The following ARHGAP33 variants were observed in gnomAD, a reference collection of about 807,000 sequenced individuals.
The protein encoded by ARHGAP33 is rho GTPase-activating protein 33.
In ARHGAP33, 57 loss-of-function variants were observed where a neutral mutation model predicts 126.2. The observed-to-expected ratio is 0.45, with a 90% CI of 0.36 to 0.56. The LOEUF (loss-of-function observed/expected upper bound fraction) is 0.56, where lower values mean the gene tolerates loss of function less well. Among genes scored for constraint, ARHGAP33 ranks in the 20% least tolerant of loss-of-function variants. The probability of loss-of-function intolerance (pLI) is 0.00; values close to 1 mark genes in which losing one functional copy is unlikely to be tolerated. For missense variants in ARHGAP33, 1,500 were observed against 1,748.3 expected, an observed-to-expected ratio of 0.86 and a Z score of 2.53; for synonymous variants, 711 against 755.0, an observed-to-expected ratio of 0.94 and a Z score of 0.95.
Position 35,788,702 on chromosome 19 carries a change from C to A in ARHGAP33, c.*273C>A. 2.4e-6 allele frequency: 1 copy of A among 421,194 alleles called. No homozygotes were observed. The highest frequency in any genetic ancestry group is 4.2e-6 in the Non-Finnish European group (1 of 237,478). 26.1% of individuals were successfully genotyped at this position (421,194 alleles called of 1,614,324 possible). A position where few individuals can be genotyped will look rare whatever the true frequency, so the allele number is the denominator to read the frequency against. ...GGCTGACCCCATCCTCCTCTCCCTC[C>A]AGGAGCCCCCAGCATGTCCTGACCT... On this transcript the variant is annotated 3_prime_UTR_variant, in exon 21 of 21. Coordinates refer to ENST00000007510, the MANE Select transcript of ARHGAP33 (RefSeq NM_001366178.1).
rs1972037265 is a variant in ARHGAP33 at position 35,785,114 on chromosome 19, G to A, written c.1721+8G>A. The A allele has an allele frequency of 1.3e-6, 2 of 1,590,930 alleles. No individual in the cohort carries two copies. Among genetic ancestry groups the A allele is most frequent in the Non-Finnish European group, 1.7e-6 (2 of 1,165,798 alleles). ...GGCCTCACCTGCGGAAAGGTGAGTG[G>A]GATGCTGGGGGTGGCGAGGGGCAGG... On this transcript the variant is annotated splice_region_variant and intron_variant, in intron 17 of 20. Coordinates refer to ENST00000007510, the MANE Select transcript of ARHGAP33 (RefSeq NM_001366178.1).
rs1286332679 is a variant in ARHGAP33, at chr19:35,781,271, C to A, written c.1085+19C>A. 15 of 1,612,192 alleles carry A rather than the reference C, an allele frequency of 9.3e-6. No individual in the cohort carries two copies. Among genetic ancestry groups the A allele is most frequent in the Non-Finnish European group, 1.3e-5 (15 of 1,178,442 alleles). ...GGCTTCGGTGAGGGCCCTTAGCCAA[C>A]CCTGTCCTTCCACAGGCACTCACCC... On this transcript the variant is annotated intron_variant, in intron 12 of 20. Coordinates refer to ENST00000007510, the MANE Select transcript of ARHGAP33 (RefSeq NM_001366178.1).
At position 35,787,439 on chromosome 19, in the gene ARHGAP33, C is replaced by G; in HGVS notation, c.2874C>G (p.His958Gln). The G allele has an allele frequency of 1.2e-6, 2 of 1,612,150 alleles. No individual in the cohort carries two copies. The highest frequency in any genetic ancestry group is 1.7e-6 in the Non-Finnish European group (2 of 1,179,278). The change falls in exon 21 of 21, where the codon CAC becomes CAG. Residue 958 changes from histidine (H) to glutamine (Q), a missense_variant. Around this residue, in one of 6 missense-constraint regions of ARHGAP33, gnomAD observed 642 missense variants for 634.0 expected, o/e 1.01. Transcript: ENST00000007510. Reference sequence around the variant, plus strand: ...GGCCACCTCCCAACTCCCTAGCACACCCGGGTGCCTGGGTCCCGGGACCCC... The same window carrying G: ...GGCCACCTCCCAACTCCCTAGCACAGCCGGGTGCCTGGGTCCCGGGACCCC... The part of the protein sequence containing the change: ...GSGPPPNSLA[H>Q]PGAWVPGPPP...
In ARHGAP33 at chr19:35,778,313, C is replaced by A. The variant is rs1971564424; in HGVS notation, c.223C>A (p.Leu75Ile). The change falls in exon 4 of 21, where the codon CTC (leucine) becomes ATC (isoleucine). Residue 75 changes from leucine (L) to isoleucine (I), a missense_variant. By Grantham distance (5) the Leu-to-Ile change is conservative. This residue lies in a region of ARHGAP33 where 129 missense variants were observed against 145.9 expected (regional missense o/e 0.88). Coordinates refer to ENST00000007510, the MANE Select transcript of ARHGAP33 (RefSeq NM_001366178.1). ...GTCTCCAGACCGTGAAGGGCCCAGCCTCTCTGGAGAGAATGAGCTGGTGTT... is the reference window on the plus strand; with the variant it reads ...GTCTCCAGACCGTGAAGGGCCCAGCATCTCTGGAGAGAATGAGCTGGTGTT... ...LLSPDREGPS[L>I]SGENELVFGV... 1 of 1,614,228 alleles carries A rather than the reference C, an allele frequency of 6.2e-7. No homozygotes were observed. Among genetic ancestry groups the A allele is most frequent in the East Asian group, 2.2e-5 (1 of 44,888 alleles).
rs773485946 is a variant in ARHGAP33, at chr19:35,780,459, A to C, written c.663A>C (p.Thr221=). 2 of 1,601,636 alleles carry C rather than the reference A, an allele frequency of 1.2e-6. No individual in the cohort carries two copies. Among genetic ancestry groups the C allele is most frequent in the South Asian group, 2.2e-5 (2 of 89,782 alleles). Residue 221 remains threonine, a synonymous_variant, in exon 8 of 21, where the codon ACA becomes ACC. Coordinates refer to ENST00000007510, the MANE Select transcript of ARHGAP33 (RefSeq NM_001366178.1). ...DIVSVIDMPP[T]EDRSWWRGKR... The stretch of plus-strand genomic sequence containing the variant: ...TCTCGGTGATCGACATGCCACCCAC[A>C]GAGGATCGGAGCTGGTGGCGGGGCA...
Position 35,787,425 on chromosome 19 carries a change from A to G in ARHGAP33, c.2860A>G (p.Asn954Asp). ...GACCTCAGGGAGTGGGCCACCTCCC[A>G]ACTCCCTAGCACACCCGGGTGCCTG... ...LGTSGSGPPP[N>D]SLAHPGAWVP... The change falls in exon 21 of 21, where the codon AAC becomes GAC. Residue 954 changes from asparagine (N) to aspartate (D), a missense_variant. Physicochemically the swap from Asn to Asp is conservative, Grantham distance 23 (BLOSUM62 1). Around this residue, in one of 6 missense-constraint regions of ARHGAP33, gnomAD observed 642 missense variants for 634.0 expected, o/e 1.01. Transcript: ENST00000007510. 6.2e-7 allele frequency: 1 copy of G among 1,611,522 alleles called. No homozygotes were observed. Among genetic ancestry groups the G allele is most frequent in the Non-Finnish European group, 8.5e-7 (1 of 1,178,980 alleles).
Position 35,782,433 on chromosome 19 carries a change from C to G in ARHGAP33, c.1146C>G (p.Ile382Met), listed in dbSNP as rs1971845064. 1 of 1,613,338 alleles carries G rather than the reference C, an allele frequency of 6.2e-7. No homozygotes were observed. Among genetic ancestry groups the G allele is most frequent in the South Asian group, 1.1e-5 (1 of 91,070 alleles). Residue 382 changes from isoleucine to methionine, a missense_variant, in exon 13 of 21, where the codon ATC becomes ATG. Coordinates refer to ENST00000007510, the MANE Select transcript of ARHGAP33 (RefSeq NM_001366178.1). The surrounding 1 kb of genome is among the most constrained non-coding windows in gnomAD (Gnocchi z 4.1). ...CTGGCCCTGCATTCCTGCAGGACAT[C>G]CACAGCGTGTCCTCCCTCTGCAAGC... Reference protein sequence around the residue: ...ELSGPAFLQDIHSVSSLCKLY... With the variant: ...ELSGPAFLQDMHSVSSLCKLY...
rs759275276 is a variant in ARHGAP33, at chr19:35,782,597, G to A, written c.1231G>A (p.Glu411Lys). The A allele has an allele frequency of 6.2e-7, 1 of 1,613,860 alleles. No homozygotes were observed. The highest frequency in any genetic ancestry group is 8.5e-7 in the Non-Finnish European group (1 of 1,179,936). ...LTYQLYGKFS[E>K]AMSVPGEEER... ...TCATCACACCTGCCCACCATCTCAG[G>A]AGGCCATGTCAGTGCCTGGGGAGGA... Residue 411 changes from glutamate to lysine, a missense_variant and splice_region_variant, in exon 14 of 21, where the codon GAG (glutamate) becomes AAG (lysine). This residue lies in a region of ARHGAP33 where 281 missense variants were observed against 413.7 expected (regional missense o/e 0.68). Coordinates refer to ENST00000007510, the MANE Select transcript of ARHGAP33 (RefSeq NM_001366178.1). The surrounding 1 kb of genome is among the most constrained non-coding windows in gnomAD (Gnocchi z 4.1).
Position 35,777,743 on chromosome 19 carries a change from G to T in ARHGAP33, c.104+1G>T. On this transcript the variant is annotated splice_donor_variant, in intron 2 of 20. Coordinates refer to ENST00000007510, the MANE Select transcript of ARHGAP33 (RefSeq NM_001366178.1). LOFTEE classifies it high-confidence loss of function. ...GTGTGAAGGGGAAGCCTGGGAAGAG[G>T]TGAGGGTGAGGGAGGAAAGGGCTCA... The T allele has an allele frequency of 6.2e-7, 1 of 1,613,112 alleles. No homozygotes were observed. The highest frequency in any genetic ancestry group is 2.2e-5 in the East Asian group (1 of 44,864).
In ARHGAP33 at chr19:35,780,495, C is replaced by T; in HGVS notation, c.699C>T (p.Phe233=). 1 of 1,606,714 alleles carries T rather than the reference C, an allele frequency of 6.2e-7. No individual in the cohort carries two copies. The change falls in exon 8 of 21, where the codon TTC becomes TTT. Residue 233 remains phenylalanine, a synonymous_variant. Transcript: ENST00000007510. The part of the protein sequence containing the change: ...DRSWWRGKRG[F]QVGFFPSECV... ...GCTGGTGGCGGGGCAAGCGAGGCTT[C>T]CAGGTGAGTCCAGCTGGGCGCGGAC...
chr19:35,784,827 G>A (rs1950969953), intron 16 of ARHGAP33, 126 bp from the exon 17 acceptor site: 34 of 1,150,972 alleles, frequency 3.0e-5, no homozygotes, highest in East Asian at 1.5e-4. Context: ...GATCCGCCCC[G>A]GCCCCCTGCC....
intron 5 of ARHGAP33, 84 bp downstream of exon 5, chr19:35,778,685 A>C (rs1217643844): frequency 6.7e-7 from 1 of 1,500,596 alleles, no homozygotes; most frequent in East Asian, 2.3e-5. Flanking sequence ...GGGATAGAGA[A>C]ATATTTAAAT....
intron 1 of ARHGAP33, among the ~76,000 whole-genome samples, chr19:35,776,878 A>G (rs758891410): frequency 1.3e-5 from 2 of 152,240 alleles, no homozygotes; most frequent in Non-Finnish European, 2.9e-5. Flanking sequence ...TGCCAGGTGC[A>G]GCCTGAAGGG....
intron 7 of ARHGAP33, 38 bp downstream of exon 7, chr19:35,780,371 C>G: frequency 6.2e-7 from 1 of 1,611,886 alleles, no homozygotes; most frequent in Non-Finnish European, 8.5e-7. Flanking sequence ...CTGGGCTCCC[C>G]ACACCCCCTG....
Position 35,786,205 on chromosome 19 carries a change from T to C in ARHGAP33, c.1943-208T>C. 7.1e-7 allele frequency: 1 copy of C among 1,411,410 alleles called. No individual in the cohort carries two copies. The highest frequency in any genetic ancestry group is 9.2e-7 in the Non-Finnish European group (1 of 1,087,818). The allele number at this position is 1,411,410 out of a possible 1,614,324, so 87.4% of individuals were successfully genotyped here. The stretch of plus-strand genomic sequence containing the variant: ...GTATGTGAATCTGTTGGTCTCGTGC[T>C]CACAGCCTGTGGGGCAGCCACAGGG... On this transcript the variant is annotated intron_variant, in intron 19 of 20. Coordinates refer to ENST00000007510, the MANE Select transcript of ARHGAP33 (RefSeq NM_001366178.1). This position sits in a 1 kb window ranked among gnomAD's most constrained non-coding sequence, Gnocchi z 7.0.
chr19:35,788,584 T>G lies in ARHGAP33; in HGVS notation c.*155T>G. ...TGATGTGGGTCCCTAACCTATAATC[T>G]CAGCTTCCCTACCCTGGACTGAAGG... On this transcript the variant is annotated 3_prime_UTR_variant, in exon 21 of 21. Coordinates refer to ENST00000007510, the MANE Select transcript of ARHGAP33 (RefSeq NM_001366178.1). 1 of 649,516 alleles carries G rather than the reference T, an allele frequency of 1.5e-6. No individual in the cohort carries two copies. Among genetic ancestry groups the G allele is most frequent in the Non-Finnish European group, 2.5e-6 (1 of 402,716 alleles). The allele number at this position is 649,516 out of a possible 1,614,324, so 40.2% of individuals were successfully genotyped here.
intron 4 of ARHGAP33, 51 bp from the exon 5 acceptor site, chr19:35,778,413 C>T (rs1971569123): frequency 6.2e-7 from 1 of 1,614,052 alleles, no homozygotes; most frequent in African/African-American, 1.3e-5. Context: ...CTGTAGTCCT[C>T]AGCTCGGTGT....
chr19:35,784,248 G>A lies in ARHGAP33; in HGVS notation c.1498G>A (p.Glu500Lys), dbSNP rs1409477506. 1 of 1,612,166 alleles carries A rather than the reference G, an allele frequency of 6.2e-7. No individual in the cohort carries two copies. Among genetic ancestry groups the A allele is most frequent in the Non-Finnish European group, 8.5e-7 (1 of 1,178,928 alleles). The stretch of plus-strand genomic sequence containing the variant: ...AGTTCGGGTGCAGTCGGTGGTGGTG[G>A]AGTTTCTGCTCACCCATGTGGACGT... ...REVRVQSVVV[E>K]FLLTHVDVLF... The change falls in exon 16 of 21, where the codon GAG becomes AAG. Residue 500 changes from glutamate to lysine, a missense_variant. By Grantham distance (56) the Glu-to-Lys change is moderately conservative (BLOSUM62 1). Around this residue, in one of 6 missense-constraint regions of ARHGAP33, gnomAD observed 281 missense variants for 413.7 expected, o/e 0.68. Transcript: ENST00000007510.
In ARHGAP33 at chr19:35,787,867, C is replaced by T. The variant is rs1426826273; in HGVS notation, c.3302C>T (p.Thr1101Ile). 6.2e-7 allele frequency: 1 copy of T among 1,609,066 alleles called. No homozygotes were observed. The highest frequency in any genetic ancestry group is 8.5e-7 in the Non-Finnish European group (1 of 1,177,648). ...ASEGSPYSGPTRSWSPFRSMP... is the reference protein window; with the variant it reads ...ASEGSPYSGPIRSWSPFRSMP... ...GAGGGGTCCCCCTATTCTGGCCCCA[C>T]CCGCTCCTGGAGTCCCTTTCGCTCC... The change falls in exon 21 of 21, where the codon ACC becomes ATC. Residue 1101 changes from threonine (T) to isoleucine (I), a missense_variant. By Grantham distance (89) the Thr-to-Ile change is moderately conservative (BLOSUM62 -1). This residue lies in a region of ARHGAP33 where 642 missense variants were observed against 634.0 expected (regional missense o/e 1.01). Coordinates refer to ENST00000007510, the MANE Select transcript of ARHGAP33 (RefSeq NM_001366178.1).
Sources: gnomAD v4.1 joint callset for allele counts (sites outside exome capture counted in the v4.1 genomes callset) on GRCh38, gnomAD v4.1.1 for gene constraint, gnomAD v4.1.1 regional missense constraint, Gnocchi (gnomAD v3.1) non-coding constraint, MANE v1.5 for transcripts, NCBI Gene and HGNC (gene_info 2026-07-23, HGNC 2026-07-21) for gene names.